ST6GALNAC3: variants seen among roughly 807,000 people sequenced by gnomAD.
ST6GALNAC3 encodes ST6 N-acetylgalactosaminide alpha-2,6-sialyltransferase 3, also known as alpha-N-acetylgalactosaminide alpha-2,6-sialyltransferase 3.
ST6GALNAC3 carries 25 observed loss-of-function variants against 32.7 expected under a neutral mutation model. The observed-to-expected ratio is 0.76, with a 90% CI of 0.56 to 1.07. ST6GALNAC3 has a LOEUF of 1.07. ST6GALNAC3 is among the 50% of genes least tolerant of loss of function. ST6GALNAC3 has a pLI of 0.00. For synonymous variants in ST6GALNAC3, 129 were observed against 133.1 expected (o/e 0.97, Z 0.21); for missense variants, 355 against 382.4 (o/e 0.93, Z 0.60).
rs1221017969 is a variant in ST6GALNAC3 at position 76,630,099 on chromosome 1, C to T, written c.*1293C>T. The stretch of plus-strand genomic sequence containing the variant: ...TGGGCTATTGTCTGTGTATTCTGCT[C>T]TCTTTAGCAGATGATCTGTAATTTG... On this transcript the variant is annotated 3_prime_UTR_variant, in exon 5 of 5. Transcript: ENST00000328299. 1.0e-6 allele frequency: 1 copy of T among 984,948 alleles called. No homozygotes were observed. The highest frequency in any genetic ancestry group is 1.7e-5 in the African/African-American group (1 of 57,190). The allele number at this position is 984,948 out of a possible 1,614,324, so 61.0% of individuals were successfully genotyped here.
chr1:76,636,957 CTCTT>C (rs1259040197), downstream of ST6GALNAC3: 2 of 152,124 alleles, frequency 1.3e-5, no homozygotes, highest in African/African-American at 4.8e-5. Flanking sequence ...AGGTTTGAAT[CTCTT>C]TCTAAGAGTT....
chr1:76,234,719 AGTT>A (rs1353961638), intron 1 of ST6GALNAC3, among the ~76,000 whole-genome samples: 3 of 152,188 alleles, frequency 2.0e-5, no homozygotes, highest in Admixed American at 1.3e-4. Flanking sequence ...TGCTCTGAAA[AGTT>A]GTTGTTTTAT....
chr1:76,448,358 G>C (rs534706830), intron 3 of ST6GALNAC3, among the ~76,000 whole-genome samples: 9 of 152,316 alleles, frequency 5.9e-5, no homozygotes, highest in Admixed American at 4.6e-4. Context: ...CTCATAGGCA[G>C]AAGGGACTTG....
intron 1 of ST6GALNAC3, among the ~76,000 whole-genome samples, chr1:76,303,389 G>T (rs948417563): frequency 6.6e-6 from 1 of 151,952 alleles, no homozygotes; most frequent in Non-Finnish European, 1.5e-5. Flanking sequence ...GAAAGTTAGG[G>T]TTTTTCTTTC....
At chr1:76,339,081 T>G (rs1028533498) in intron 2 of ST6GALNAC3, among the ~76,000 whole-genome samples, 6 of 152,282 alleles carry the variant, frequency 3.9e-5, no homozygotes, top group Admixed American at 2.6e-4. Context: ...GCATAAACTT[T>G]GCTACAGTCA....
chr1:76,612,203 G>A (rs961191748), intron 3 of ST6GALNAC3, among the ~76,000 whole-genome samples: 3 of 152,118 alleles, frequency 2.0e-5, no homozygotes, highest in Non-Finnish European at 1.5e-5. Context: ...GGTTCCCTGG[G>A]ACCAGATTCT....
intron 2 of ST6GALNAC3, among the ~76,000 whole-genome samples, chr1:76,355,602 A>T (rs1649373631): frequency 6.6e-6 from 1 of 152,258 alleles, no homozygotes; most frequent in Non-Finnish European, 1.5e-5. Context: ...ATCAGAAAAA[A>T]ATAACTTCCA....
intron 1 of ST6GALNAC3, among the ~76,000 whole-genome samples, chr1:76,075,865 G>C (rs994137229): frequency 6.6e-6 from 1 of 152,164 alleles, no homozygotes; most frequent in Non-Finnish European, 1.5e-5. Flanking sequence ...AAAATACCAG[G>C]AAACAATTCG....
At chr1:76,158,620 C>T (rs991766213) in intron 1 of ST6GALNAC3, among the ~76,000 whole-genome samples, 1 of 152,040 alleles carries the variant, frequency 6.6e-6, no homozygotes, top group Non-Finnish European at 1.5e-5. Context: ...TAAAATCAGC[C>T]CCTCTTGGCT....
At chr1:76,185,680 C>A (rs145087072) in intron 1 of ST6GALNAC3, among the ~76,000 whole-genome samples, 1 of 152,282 alleles carries the variant, frequency 6.6e-6, no homozygotes, top group African/African-American at 2.4e-5. Context: ...GCATATACTG[C>A]CAGCATTGTG....
intron 1 of ST6GALNAC3, among the ~76,000 whole-genome samples, chr1:76,139,313 A>T (rs1387247065): frequency 2.6e-5 from 4 of 152,346 alleles, no homozygotes; most frequent in African/African-American, 7.2e-5. Context: ...CAACTCATAC[A>T]TACATATGTA....
intron 3 of ST6GALNAC3, among the ~76,000 whole-genome samples, chr1:76,466,236 G>A (rs952721510): frequency 2.0e-5 from 3 of 152,052 alleles, no homozygotes; most frequent in Admixed American, 1.3e-4. Context: ...AAGGAGATAT[G>A]AACTTGTATC....
chr1:76,630,565 T>C lies in ST6GALNAC3; in HGVS notation c.*1759T>C. The C allele has an allele frequency of 2.0e-6, 2 of 985,444 alleles. No homozygotes were observed. Among genetic ancestry groups the C allele is most frequent in the Non-Finnish European group, 2.4e-6 (2 of 829,840 alleles). The allele number at this position is 985,444 out of a possible 1,614,324, so 61.0% of individuals were successfully genotyped here. ...AGCCAGGCTCAACTTATAGAATGTT[T>C]TGGAAACTGGAAGTAATGATACATT... On this transcript the variant is annotated 3_prime_UTR_variant, in exon 5 of 5. Transcript: ENST00000328299.
At chr1:76,286,065 C>G (rs951697775) in intron 1 of ST6GALNAC3, among the ~76,000 whole-genome samples, 1 of 152,200 alleles carries the variant, frequency 6.6e-6, no homozygotes, top group Non-Finnish European at 1.5e-5. Context: ...TGGAAGGAGG[C>G]AGCCATCAGC....
intron 3 of ST6GALNAC3, among the ~76,000 whole-genome samples, chr1:76,543,595 G>A (rs987333909): frequency 1.1e-3 from 171 of 152,196 alleles, no homozygotes; most frequent in African/African-American, 4.0e-3. Flanking sequence ...TTACTTAAGA[G>A]TTCTAGAGCC....
At chr1:76,319,784 T>C (rs1013436105) in intron 2 of ST6GALNAC3, among the ~76,000 whole-genome samples, 3 of 152,174 alleles carry the variant, frequency 2.0e-5, no homozygotes, top group Non-Finnish European at 2.9e-5. Flanking sequence ...AATTAACATA[T>C]AATAAATCAA....
chr1:76,208,155 A>C (rs1293837182), intron 1 of ST6GALNAC3, among the ~76,000 whole-genome samples: 1 of 151,996 alleles, frequency 6.6e-6, no homozygotes, highest in African/African-American at 2.4e-5. Flanking sequence ...AGGGCCTACC[A>C]AGACCTATGG....
At chr1:76,474,514 A>G (rs1358433334) in intron 3 of ST6GALNAC3, among the ~76,000 whole-genome samples, 1 of 152,168 alleles carries the variant, frequency 6.6e-6, no homozygotes, top group Non-Finnish European at 1.5e-5. Context: ...GGGGGAAGAT[A>G]AGTCCAATTG....
chr1:76,618,335 G>A (rs1557631119), intron 3 of ST6GALNAC3, among the ~76,000 whole-genome samples: 1 of 152,140 alleles, frequency 6.6e-6, no homozygotes, highest in Non-Finnish European at 1.5e-5. Context: ...TTAAGAACCT[G>A]AGTTCTCTAG....
Sources: allele counts gnomAD v4.1 joint callset (sites outside exome capture counted in the v4.1 genomes callset), GRCh38; gene constraint gnomAD v4.1.1; transcripts MANE v1.5; gene names NCBI Gene and HGNC (gene_info 2026-07-23, HGNC 2026-07-21).